The following USP25 variants were observed in gnomAD, a reference collection of about 807,000 sequenced individuals.
USP25 encodes the protein ubiquitin carboxyl-terminal hydrolase 25.
A neutral mutation model predicts 158.5 loss-of-function variants in USP25; 85 were observed. That is an observed-to-expected ratio of 0.54 (90% confidence interval 0.45 to 0.64). USP25 has a LOEUF of 0.64. Ranked by LOEUF, USP25 falls within the 30% of genes least tolerant of loss-of-function variation. The pLI is 0.00. For synonymous variants in USP25, 464 were observed against 460.4 expected (o/e 1.01, Z -0.10); for missense variants, 1,242 against 1,327.3 (o/e 0.94, Z 1.00).
At chr21:15,866,626 G>T (rs1475503523) in intron 22 of USP25, among the ~76,000 whole-genome samples, 1 of 151,904 alleles carries the variant, frequency 6.6e-6, no homozygotes, top group Admixed American at 6.6e-5. Flanking sequence ...AACTTTTCTA[G>T]CTTAAAAACA....
In USP25 at chr21:15,867,190, A is replaced by ATT; in HGVS notation, c.2805+850_2805+851dup. Among the ~76,000 whole-genome samples, 4 of 152,120 alleles carry ATT rather than the reference A, an allele frequency of 2.6e-5. No individual in the cohort carries two copies. In the Middle Eastern group the frequency reaches 0.014, roughly 517 times the overall value. ...ATTCATACACCTAGTATTTCTTCAC[A>ATT]TTTTTAAATTTAATCTTATGCATTG... On this transcript the variant is annotated intron_variant, in intron 22 of 25. Coordinates refer to ENST00000400183, the MANE Select transcript of USP25 (RefSeq NM_001283041.3).
intron 20 of USP25, among the ~76,000 whole-genome samples, chr21:15,857,395 A>G (rs1308373625): frequency 6.6e-5 from 10 of 152,156 alleles, no homozygotes; most frequent in African/African-American, 2.4e-4. Context: ...AAATACTAGT[A>G]TTATCAAATT....
Position 15,878,424 on chromosome 21 carries a change from A to AT in USP25, c.3330dup (p.Ala1111CysfsTer13). On this transcript the variant is annotated frameshift_variant, in exon 26 of 26. Transcript: ENST00000400183. LOFTEE classifies it high-confidence loss of function. Reference sequence around the variant, plus strand: ...ATTCCACGCATGAACTCTGTGAGCGATTTGCCCGAATCATGTTGTCCCTCA... The same window carrying AT: ...ATTCCACGCATGAACTCTGTGAGCGATTTTGCCCGAATCATGTTGTCCCTCA... The AT allele has an allele frequency of 5.6e-6, 9 of 1,613,988 alleles. No individual in the cohort carries two copies. The highest frequency in any genetic ancestry group is 7.6e-6 in the Non-Finnish European group (9 of 1,179,928).
chr21:15,817,261 C>G (rs934243984), intron 9 of USP25, among the ~76,000 whole-genome samples: 2 of 151,432 alleles, frequency 1.3e-5, no homozygotes, highest in Non-Finnish European at 2.9e-5. Context: ...TTACCTATCT[C>G]TTATCCTGCT....
intron 4 of USP25, among the ~76,000 whole-genome samples, chr21:15,783,801 A>T (rs1389309029): frequency 1.3e-5 from 2 of 151,224 alleles, no homozygotes; most frequent in East Asian, 2.0e-4. Context: ...ACTAAAAAAA[A>T]AAAAAAAAAA....
intron 3 of USP25, among the ~76,000 whole-genome samples, chr21:15,768,236 T>TC (rs1206392657): frequency 6.6e-6 from 1 of 152,092 alleles, no homozygotes; most frequent in African/African-American, 2.4e-5. Context: ...TCAAGTGCTT[T>TC]CCCTCTAATC....
At chr21:15,762,001 TA>T (rs1412865958) in intron 1 of USP25, among the ~76,000 whole-genome samples, 3 of 152,158 alleles carry the variant, frequency 2.0e-5, no homozygotes, top group Non-Finnish European at 2.9e-5. Flanking sequence ...TCTCCCTTTA[TA>T]ATTTGTGGAA....
At chr21:15,747,627 T>G (rs2032665547) in intron 1 of USP25, among the ~76,000 whole-genome samples, 1 of 152,140 alleles carries the variant, frequency 6.6e-6, no homozygotes, top group African/African-American at 2.4e-5. Context: ...AATGTAGTCT[T>G]TTTCAAAATA....
At chr21:15,869,679 T>C (rs545891049) in intron 22 of USP25, among the ~76,000 whole-genome samples, 52 of 152,324 alleles carry the variant, frequency 3.4e-4, no homozygotes, top group African/African-American at 1.2e-3. Flanking sequence ...GTCCAAGCTT[T>C]GATTCATACT....
At chr21:15,783,348 A>T (rs1230852292) in intron 4 of USP25, among the ~76,000 whole-genome samples, 1 of 152,220 alleles carries the variant, frequency 6.6e-6, no homozygotes, top group Non-Finnish European at 1.5e-5. Context: ...TTGGTTAAAT[A>T]GATTGCCTGT....
At chr21:15,859,525 GT>G (rs1362986913) in intron 20 of USP25, among the ~76,000 whole-genome samples, 1 of 152,084 alleles carries the variant, frequency 6.6e-6, no homozygotes, top group East Asian at 1.9e-4. Context: ...CTCTGTGGCA[GT>G]TTAGATATCA....
At chr21:15,853,794 GT>G (rs149772179) in intron 20 of USP25, among the ~76,000 whole-genome samples, 14,441 of 151,452 alleles carry the variant, frequency 0.095, 699 homozygotes, top group African/African-American at 0.1. Flanking sequence ...GAGCTTTCCT[GT>G]TTTTTTTAAT....
chr21:15,846,309 T>G (rs911163284), intron 18 of USP25, among the ~76,000 whole-genome samples: 2 of 150,788 alleles, frequency 1.3e-5, no homozygotes, highest in Non-Finnish European at 3.0e-5. Context: ...ATTACAGGCA[T>G]GTGCCACCAT....
At chr21:15,755,780 T>C (rs2033332767) in intron 1 of USP25, among the ~76,000 whole-genome samples, 1 of 152,166 alleles carries the variant, frequency 6.6e-6, no homozygotes, top group African/African-American at 2.4e-5. Context: ...TTTATTGACA[T>C]GGAAGCATGG....
In USP25 at chr21:15,849,855, G is replaced by A. The variant is rs2038803391; in HGVS notation, c.2530G>A (p.Glu844Lys). The part of the protein sequence containing the change: ...SRSVYDRCGP[E>K]AGFFKAIKLE... Reference sequence around the variant, plus strand: ...GAGTGTATATGACAGGTGTGGCCCTGAAGCAGGGTTCTTTAAGGTACAATG... The same window carrying A: ...GAGTGTATATGACAGGTGTGGCCCTAAAGCAGGGTTCTTTAAGGTACAATG... The change falls in exon 20 of 26, where the codon GAA becomes AAA. Residue 844 changes from glutamate to lysine, a missense_variant. By Grantham distance (56) the Glu-to-Lys change is moderately conservative. Coordinates refer to ENST00000400183, the MANE Select transcript of USP25 (RefSeq NM_001283041.3). The A allele has an allele frequency of 6.6e-7, 1 of 1,522,266 alleles. No individual in the cohort carries two copies. The highest frequency in any genetic ancestry group is 2.1e-5 in the Admixed American group (1 of 47,092). 94.3% of individuals were successfully genotyped at this position (1,522,266 alleles called of 1,614,324 possible).
rs371217834 is a variant in USP25 at position 15,767,165 on chromosome 21, G to T, written c.268+1024G>T. Among the ~76,000 whole-genome samples the T allele has an allele frequency of 7.9e-5, 12 of 152,102 alleles. No individual in the cohort carries two copies. The East Asian group carries it at 1.7e-3, about 22-fold the overall frequency. On this transcript the variant is annotated intron_variant, in intron 3 of 25. Transcript: ENST00000400183. ...GACTGGGCCCCCATCCACATTTCTA[G>T]CCTCATTTTCCACTGTTTTCCTCCT...
Position 15,826,929 on chromosome 21 carries a change from A to G in USP25, c.1467-48A>G, listed in dbSNP as rs746750455. 2 of 1,588,036 alleles carry G rather than the reference A, an allele frequency of 1.3e-6. No individual in the cohort carries two copies. The highest frequency in any genetic ancestry group is 1.7e-6 in the Non-Finnish European group (2 of 1,164,850). On this transcript the variant is annotated intron_variant, in intron 13 of 25. Transcript: ENST00000400183. The surrounding 1 kb of genome is among the most constrained non-coding windows in gnomAD (Gnocchi z 4.8). ...TGGGTTTGGCACGATCTTTGTCAAGAGTTTCAGCTTGAAAGGTTAATAAGA... is the reference window on the plus strand; with the variant it reads ...TGGGTTTGGCACGATCTTTGTCAAGGGTTTCAGCTTGAAAGGTTAATAAGA...
intron 1 of USP25, among the ~76,000 whole-genome samples, chr21:15,749,568 C>T (rs763291303): frequency 1.3e-5 from 2 of 152,074 alleles, no homozygotes; most frequent in Admixed American, 6.5e-5. Flanking sequence ...GTATCATGAC[C>T]GTTCATTTAT....
At chr21:15,800,496 A>T (rs1050959429) in intron 6 of USP25, among the ~76,000 whole-genome samples, 3 of 151,090 alleles carry the variant, frequency 2.0e-5, no homozygotes, top group Non-Finnish European at 4.4e-5. Context: ...CATAGTAAGT[A>T]CTAGGTGTCA....
Sources: gnomAD v4.1 joint callset for allele counts (sites outside exome capture counted in the v4.1 genomes callset) on GRCh38, gnomAD v4.1.1 for gene constraint, Gnocchi (gnomAD v3.1) non-coding constraint, MANE v1.5 for transcripts, NCBI Gene and HGNC (gene_info 2026-07-23, HGNC 2026-07-21) for gene names.